TENM4: variants seen among roughly 807,000 people sequenced by gnomAD.
The protein encoded by TENM4 is teneurin-4.
Under a neutral mutation model 243.3 loss-of-function variants are expected in TENM4, and 82 were observed. That is an observed-to-expected ratio of 0.34 (90% CI 0.28 to 0.40). TENM4 has a LOEUF of 0.40. Ranked by LOEUF, TENM4 falls within the 10% of genes least tolerant of loss-of-function variation. The probability of loss-of-function intolerance (pLI) is 1.00; values close to 1 mark genes in which losing one functional copy is unlikely to be tolerated. For synonymous variants in TENM4, 1,412 were observed against 1,456.3 expected, an observed-to-expected ratio of 0.97 and a Z score of 0.69; for missense variants, 3,138 against 3,673.3, an observed-to-expected ratio of 0.85 and a Z score of 3.77.
chr11:78,674,871 G>GTT (rs201243148), intron 30 of TENM4, among the ~76,000 whole-genome samples: 24 of 146,316 alleles, frequency 1.6e-4, no homozygotes, highest in African/African-American at 5.5e-4. Flanking sequence ...CTATTTTCTA[G>GTT]TTTTTTTTTT....
intron 2 of TENM4, among the ~76,000 whole-genome samples, chr11:79,256,252 T>G (rs1007431792): frequency 2.0e-5 from 3 of 152,218 alleles, no homozygotes; most frequent in Non-Finnish European, 4.4e-5. Flanking sequence ...AGTTTCCTGG[T>G]GTTGCTAATC....
intron 12 of TENM4, among the ~76,000 whole-genome samples, chr11:78,832,272 A>G (rs1192636264): frequency 6.6e-6 from 1 of 152,172 alleles, no homozygotes; most frequent in African/African-American, 2.4e-5. Flanking sequence ...TGGCTTTCTC[A>G]AAATTCCCTT....
intron 4 of TENM4, among the ~76,000 whole-genome samples, chr11:79,108,919 C>A (rs1049810110): frequency 6.6e-6 from 1 of 152,146 alleles, no homozygotes; most frequent in East Asian, 1.9e-4. Context: ...CACTCTCTCC[C>A]CTTCCCCATT....
chr11:79,308,360 CT>C (rs987374965), intron 1 of TENM4, among the ~76,000 whole-genome samples: 1 of 151,872 alleles, frequency 6.6e-6, no homozygotes, highest in Non-Finnish European at 1.5e-5. Flanking sequence ...ATTTTTCTTC[CT>C]TTTTTTTCAG....
chr11:79,265,065 C>G lies in TENM4; in HGVS notation c.-265+32423G>C, dbSNP rs77100048. Among the ~76,000 whole-genome samples, 1,027 of 152,246 alleles carry G rather than the reference C, an allele frequency of 6.7e-3. 19 individuals carry two copies. The highest frequency in any genetic ancestry group is 0.024 in the African/African-American group (983 of 41,540). On this transcript the variant is annotated intron_variant, in intron 2 of 33. Coordinates refer to ENST00000278550, the MANE Select transcript of TENM4 (RefSeq NM_001098816.3). The stretch of plus-strand genomic sequence containing the variant: ...CCTGGGTAGAATGTTTTTTGAGATA[C>G]AGTACAGGAAAAATCAAATGGCACA...
At chr11:79,432,770 T>A (rs528832568) in intron 1 of TENM4, among the ~76,000 whole-genome samples, 1 of 152,346 alleles carries the variant, frequency 6.6e-6, no homozygotes, top group Admixed American at 6.5e-5. Context: ...GGAAACACTT[T>A]GCTAAATTAT....
chr11:79,182,132 C>G (rs1016358193), intron 3 of TENM4, among the ~76,000 whole-genome samples: 1 of 152,018 alleles, frequency 6.6e-6, no homozygotes, highest in African/African-American at 2.4e-5. Flanking sequence ...TCCATAATAG[C>G]CAACTCAACA....
chr11:78,839,320 A>G (rs1245744760), intron 12 of TENM4, among the ~76,000 whole-genome samples: 1 of 152,144 alleles, frequency 6.6e-6, no homozygotes, highest in East Asian at 1.9e-4. Flanking sequence ...GTCCTGTTTT[A>G]TAGCTCTCAA....
At chr11:79,225,468 G>T (rs1864244987) in intron 2 of TENM4, among the ~76,000 whole-genome samples, 1 of 152,102 alleles carries the variant, frequency 6.6e-6, no homozygotes, top group African/African-American at 2.4e-5. Flanking sequence ...ACTAGAGTGT[G>T]GTGCCATGAT....
chr11:78,965,547 C>T (rs1196821822), intron 6 of TENM4, among the ~76,000 whole-genome samples: 2 of 152,210 alleles, frequency 1.3e-5, no homozygotes, highest in African/African-American at 4.8e-5. Flanking sequence ...GTGTTTGTTA[C>T]AGCCTCTTCC....
At chr11:79,409,095 TGTGTGTGC>T (rs1460763978) in intron 1 of TENM4, among the ~76,000 whole-genome samples, 445 of 106,998 alleles carry the variant, frequency 4.2e-3, no homozygotes, top group Middle Eastern at 0.029. Flanking sequence ...TGTGTGTGTG[TGTGTGTGC>T]GCGCGCGCGC....
intron 6 of TENM4, among the ~76,000 whole-genome samples, chr11:78,971,200 T>A (rs192725403): frequency 6.6e-6 from 1 of 152,230 alleles, no homozygotes; most frequent in East Asian, 1.9e-4. Flanking sequence ...CTTTTAAAGA[T>A]TTTTTTAAAA....
At chr11:79,085,349 C>G (rs1860783330) in intron 4 of TENM4, among the ~76,000 whole-genome samples, 2 of 147,180 alleles carry the variant, frequency 1.4e-5, no homozygotes, top group Admixed American at 1.4e-4. Flanking sequence ...TGCACTCCAG[C>G]CTGGGCGAAA....
At chr11:79,401,868 G>A (rs899478158) in intron 1 of TENM4, among the ~76,000 whole-genome samples, 2 of 152,266 alleles carry the variant, frequency 1.3e-5, no homozygotes, top group East Asian at 1.9e-4. Flanking sequence ...CATTCCACCC[G>A]GGGAGGAACA....
chr11:78,761,840 A>G (rs1856437446), intron 18 of TENM4, among the ~76,000 whole-genome samples: 1 of 150,604 alleles, frequency 6.6e-6, no homozygotes, highest in African/African-American at 2.4e-5. Context: ...CTCAGTTCCA[A>G]CCTCCCACTG....
At chr11:78,976,457 T>C (rs778186997) in intron 6 of TENM4, among the ~76,000 whole-genome samples, 3 of 152,180 alleles carry the variant, frequency 2.0e-5, no homozygotes, top group Admixed American at 6.5e-5. Context: ...TATAAGCATA[T>C]ACTAAGAGAT....
At chr11:79,261,750 A>G (rs11823185) in intron 2 of TENM4, among the ~76,000 whole-genome samples, 8,021 of 152,292 alleles carry the variant, frequency 0.053, 315 homozygotes, top group Middle Eastern at 0.12. Flanking sequence ...TAAAAAGCAC[A>G]GATCTTGACA....
chr11:79,153,552 A>T (rs1029411028), intron 3 of TENM4, among the ~76,000 whole-genome samples: 1 of 152,110 alleles, frequency 6.6e-6, no homozygotes, highest in Admixed American at 6.6e-5. Context: ...TCACACCCCT[A>T]CCAAAACCAA....
At chr11:79,202,218 C>T (rs1215589447) in intron 3 of TENM4, among the ~76,000 whole-genome samples, 1 of 152,182 alleles carries the variant, frequency 6.6e-6, no homozygotes. Flanking sequence ...CTCTGACTGC[C>T]AGGTCTTCCC....
Sources: allele counts gnomAD v4.1 joint callset (sites outside exome capture counted in the v4.1 genomes callset), GRCh38; gene constraint gnomAD v4.1.1; transcripts MANE v1.5; gene names NCBI Gene and HGNC (gene_info 2026-07-23, HGNC 2026-07-21).